BMAL2: variants seen among roughly 807,000 people sequenced by gnomAD.
The protein encoded by BMAL2 is basic helix-loop-helix ARNT-like protein 2.
At chr12:27,402,515 A>G in the BMAL2 span, 4 of 924,014 alleles carry the variant, frequency 4.3e-6, 1 homozygote, top group South Asian at 6.9e-5. Context: ...TAAAACATAA[A>G]TGGGCCACAA....
At chr12:27,347,869 A>G in the BMAL2 span, among the ~76,000 whole-genome samples, 1 of 152,186 alleles carries the variant, frequency 6.6e-6, no homozygotes, top group Non-Finnish European at 1.5e-5. Flanking sequence ...GAGCAATGCA[A>G]GCAAATCCAC....
chr12:27,336,576 G>A, the BMAL2 span, among the ~76,000 whole-genome samples: 9 of 152,144 alleles, frequency 5.9e-5, no homozygotes, highest in African/African-American at 2.2e-4. Context: ...CACACTTACT[G>A]GTCCCTGACA....
the BMAL2 span, among the ~76,000 whole-genome samples, chr12:27,412,602 G>A: frequency 6.6e-6 from 1 of 151,992 alleles, no homozygotes; most frequent in Non-Finnish European, 1.5e-5. Context: ...AAAGCCCATA[G>A]GACTTATGGG....
chr12:27,400,422 T>A, the BMAL2 span: 1 of 903,246 alleles, frequency 1.1e-6, no homozygotes. Context: ...TATTTTAGCA[T>A]ATTTAAAGAG....
the BMAL2 span, chr12:27,370,177 C>A: frequency 6.2e-7 from 1 of 1,614,102 alleles, no homozygotes; most frequent in African/African-American, 1.3e-5. Context: ...CTCAGAATCC[C>A]CTTACCTATC....
chr12:27,339,257 C>G, the BMAL2 span, among the ~76,000 whole-genome samples: 1 of 152,184 alleles, frequency 6.6e-6, no homozygotes, highest in Non-Finnish European at 1.5e-5. Flanking sequence ...TAATGGCCTC[C>G]AGTTCCATTG....
At chr12:27,381,053 C>T in the BMAL2 span, among the ~76,000 whole-genome samples, 1 of 151,934 alleles carries the variant, frequency 6.6e-6, no homozygotes, top group Non-Finnish European at 1.5e-5. Context: ...AAAAAGAAAA[C>T]TTCCTTAAAC....
At chr12:27,406,453 A>G in the BMAL2 span, among the ~76,000 whole-genome samples, 1 of 152,248 alleles carries the variant, frequency 6.6e-6, no homozygotes, top group Non-Finnish European at 1.5e-5. Context: ...ATTGTTAAAG[A>G]AAAGAATTTT....
the BMAL2 span, among the ~76,000 whole-genome samples, chr12:27,352,114 C>T: frequency 6.6e-6 from 1 of 152,116 alleles, no homozygotes; most frequent in East Asian, 1.9e-4. Context: ...ATTCTTTGTA[C>T]AACAGTCTTT....
At chr12:27,376,673 A>G in the BMAL2 span, among the ~76,000 whole-genome samples, 1 of 152,084 alleles carries the variant, frequency 6.6e-6, no homozygotes, top group Admixed American at 6.6e-5. Flanking sequence ...GACTTAAACA[A>G]ATCAGTTACT....
the BMAL2 span, among the ~76,000 whole-genome samples, chr12:27,410,686 G>A: frequency 6.6e-6 from 1 of 152,160 alleles, no homozygotes; most frequent in African/African-American, 2.4e-5. Context: ...CATGTCACAT[G>A]TATACATATG....
chr12:27,398,735 G>T, the BMAL2 span, among the ~76,000 whole-genome samples: 2 of 152,116 alleles, frequency 1.3e-5, no homozygotes, highest in Non-Finnish European at 2.9e-5. Flanking sequence ...AACAGGCTAG[G>T]TTCTATGTGA....
At chr12:27,367,789 T>G in the BMAL2 span, among the ~76,000 whole-genome samples, 776 of 150,386 alleles carry the variant, frequency 5.2e-3, 4 homozygotes, top group African/African-American at 0.017. Flanking sequence ...TGTGTGTATA[T>G]ATATAATGTG....
At chr12:27,409,337 T>C in the BMAL2 span, among the ~76,000 whole-genome samples, 1 of 152,170 alleles carries the variant, frequency 6.6e-6, no homozygotes, top group African/African-American at 2.4e-5. Context: ...CTACCTGACT[T>C]CAAACTGTAC....
the BMAL2 span, among the ~76,000 whole-genome samples, chr12:27,413,747 A>G: frequency 1.3e-5 from 2 of 152,238 alleles, no homozygotes; most frequent in African/African-American, 4.8e-5. Context: ...TGCTGCAACC[A>G]GTGACTCAAT....
chr12:27,364,384 C>T, the BMAL2 span, among the ~76,000 whole-genome samples: 1 of 152,144 alleles, frequency 6.6e-6, no homozygotes, highest in Admixed American at 6.5e-5. Flanking sequence ...CCCGTTTCAT[C>T]TTTTCCATAG....
At chr12:27,333,373 T>A in the BMAL2 span, among the ~76,000 whole-genome samples, 1 of 152,006 alleles carries the variant, frequency 6.6e-6, no homozygotes, top group Non-Finnish European at 1.5e-5. Context: ...ACGCGGTGTC[T>A]TGGTCCCGGG....
At chr12:27,383,170 G>A in the BMAL2 span, among the ~76,000 whole-genome samples, 1 of 152,180 alleles carries the variant, frequency 6.6e-6, no homozygotes, top group Non-Finnish European at 1.5e-5. Context: ...TTATAGCTAT[G>A]TGACTTACTC....
At chr12:27,423,852 G>A in the BMAL2 span, 1 of 152,154 alleles carries the variant, frequency 6.6e-6, no homozygotes, top group East Asian at 1.9e-4. Flanking sequence ...GGACTTGGGT[G>A]TTAGGGTGGA....
Sources: allele counts gnomAD v4.1 joint callset (sites outside exome capture counted in the v4.1 genomes callset), GRCh38; gene constraint gnomAD v4.1.1; transcripts MANE v1.5; gene names NCBI Gene and HGNC (gene_info 2026-07-23, HGNC 2026-07-21).